The following ADORA2B variants were observed in gnomAD, a reference collection of about 807,000 sequenced individuals.
ADORA2B encodes adenosine receptor A2b.
Under a neutral mutation model 20.8 loss-of-function variants are expected in ADORA2B, and 18 were observed. The observed-to-expected ratio is 0.87, with a 90% CI of 0.60 to 1.29. The LOEUF is 1.29. ADORA2B is among the 50% of genes most tolerant of loss of function. The probability of loss-of-function intolerance (pLI) is 0.00; values close to 1 mark genes in which losing one functional copy is unlikely to be tolerated. For missense variants in ADORA2B, 441 were observed against 422.7 expected, an observed-to-expected ratio of 1.04 and a Z score of -0.38; for synonymous variants, 179 against 178.3, an observed-to-expected ratio of 1.00 and a Z score of -0.03.
At chr17:15,879,790 G>C in the ADORA2B span, among the ~76,000 whole-genome samples, 2 of 150,180 alleles carry the variant, frequency 1.3e-5, no homozygotes, top group African/African-American at 5.0e-5. Context: ...GCCTGCCTCG[G>C]CCTCCCAAGG....
the ADORA2B span, among the ~76,000 whole-genome samples, chr17:15,860,515 G>A: frequency 6.6e-6 from 1 of 151,908 alleles, no homozygotes; most frequent in African/African-American, 2.4e-5. Context: ...ATTACCTGGG[G>A]GCAGGTAATG....
At chr17:15,856,648 T>C in the ADORA2B span, among the ~76,000 whole-genome samples, 1 of 152,164 alleles carries the variant, frequency 6.6e-6, no homozygotes, top group Admixed American at 6.5e-5. Flanking sequence ...AAGTCCAGGG[T>C]GAGGTGGTCT....
At chr17:15,957,539 T>G (rs1480056784) in intron 1 of ADORA2B, among the ~76,000 whole-genome samples, 2 of 152,120 alleles carry the variant, frequency 1.3e-5, no homozygotes, top group Admixed American at 1.3e-4. Context: ...CCAGGATGAC[T>G]CCCAGATTTC....
the ADORA2B span, among the ~76,000 whole-genome samples, chr17:15,887,801 A>G: frequency 8.1e-6 from 1 of 123,480 alleles, no homozygotes; most frequent in Non-Finnish European, 1.7e-5. Flanking sequence ...AATAAAAAAA[A>G]TTAGCCAGGT....
rs1346654433 is a variant in ADORA2B at position 15,975,170 on chromosome 17, T to G, written c.827T>G (p.Ile276Ser). Residue 276 changes from isoleucine (I) to serine (S), a missense_variant, in exon 2 of 2, where the codon ATT (isoleucine) becomes AGT (serine). Coordinates refer to ENST00000304222, the MANE Select transcript of ADORA2B (RefSeq NM_000676.4). ...CCCAAGTGGGCAATGAATATGGCCA[T>G]TCTTCTGTCACATGCCAATTCAGTT... ...NKPKWAMNMAILLSHANSVVN... is the reference protein window; with the variant it reads ...NKPKWAMNMASLLSHANSVVN... 6.2e-7 allele frequency: 1 copy of G among 1,614,188 alleles called. No individual in the cohort carries two copies. Among genetic ancestry groups the G allele is most frequent in the South Asian group, 1.1e-5 (1 of 91,084 alleles).
At chr17:15,900,791 G>A in the ADORA2B span, among the ~76,000 whole-genome samples, 2 of 152,138 alleles carry the variant, frequency 1.3e-5, no homozygotes, top group South Asian at 2.1e-4. Context: ...GTGAGAGGAT[G>A]CAATCTTTAA....
chr17:15,937,584 T>C, the ADORA2B span, among the ~76,000 whole-genome samples: 1 of 152,056 alleles, frequency 6.6e-6, no homozygotes, highest in Non-Finnish European at 1.5e-5. Flanking sequence ...TCTTTTCTTT[T>C]TTTTTTTAAT....
At chr17:15,878,998 G>T in the ADORA2B span, among the ~76,000 whole-genome samples, 1 of 152,112 alleles carries the variant, frequency 6.6e-6, no homozygotes, top group East Asian at 1.9e-4. Flanking sequence ...TATTTAATAT[G>T]AAGCATATTA....
intron 1 of ADORA2B, among the ~76,000 whole-genome samples, chr17:15,953,641 T>C (rs972327492): frequency 8.0e-5 from 12 of 149,954 alleles, no homozygotes; most frequent in African/African-American, 3.1e-4. Flanking sequence ...TGTGTTTCTG[T>C]CAAGTGGTGA....
the ADORA2B span, among the ~76,000 whole-genome samples, chr17:15,882,260 C>T: frequency 6.6e-6 from 1 of 152,116 alleles, no homozygotes; most frequent in Admixed American, 6.5e-5. Flanking sequence ...GAGGTGGTGG[C>T]CGGTGGCTGA....
At chr17:15,874,197 A>G in the ADORA2B span, among the ~76,000 whole-genome samples, 12 of 151,890 alleles carry the variant, frequency 7.9e-5, no homozygotes, top group Admixed American at 7.2e-4. Context: ...GGAGGCCATT[A>G]TTCTAAATGA....
the ADORA2B span, among the ~76,000 whole-genome samples, chr17:15,864,844 T>C: frequency 6.6e-6 from 1 of 152,142 alleles, no homozygotes; most frequent in South Asian, 2.1e-4. Context: ...TTAAACATTA[T>C]GAGAGCACCG....
At chr17:15,898,387 G>A in the ADORA2B span, among the ~76,000 whole-genome samples, 1 of 151,598 alleles carries the variant, frequency 6.6e-6, no homozygotes, top group African/African-American at 2.4e-5. Context: ...TCTGCTTTCC[G>A]GTTTCAAGCG....
chr17:15,900,767 C>A, the ADORA2B span, among the ~76,000 whole-genome samples: 1 of 152,108 alleles, frequency 6.6e-6, no homozygotes, highest in Admixed American at 6.6e-5. Flanking sequence ...TTATCAGTAG[C>A]CATTCTGACT....
At chr17:15,907,477 A>G in the ADORA2B span, among the ~76,000 whole-genome samples, 1 of 152,154 alleles carries the variant, frequency 6.6e-6, no homozygotes, top group African/African-American at 2.4e-5. Context: ...TTCAATCCCA[A>G]AGTTCATTAT....
the ADORA2B span, among the ~76,000 whole-genome samples, chr17:15,884,280 A>G: frequency 6.6e-6 from 1 of 152,242 alleles, no homozygotes; most frequent in East Asian, 1.9e-4. Flanking sequence ...ACCTTCTGTG[A>G]TGATGGGAAT....
At chr17:15,937,068 C>T in the ADORA2B span, among the ~76,000 whole-genome samples, 1 of 152,128 alleles carries the variant, frequency 6.6e-6, no homozygotes, top group Non-Finnish European at 1.5e-5. Flanking sequence ...CTTTTTTCTC[C>T]TGTATGTGGG....
At chr17:15,933,618 A>G in the ADORA2B span, among the ~76,000 whole-genome samples, 8 of 152,326 alleles carry the variant, frequency 5.3e-5, no homozygotes, top group African/African-American at 1.9e-4. Flanking sequence ...TAAAGATACA[A>G]TTAATTTTAT....
At chr17:15,897,186 A>G in the ADORA2B span, among the ~76,000 whole-genome samples, 5 of 152,356 alleles carry the variant, frequency 3.3e-5, no homozygotes, top group East Asian at 7.7e-4. Context: ...TTGTTCATTT[A>G]TCTCAAGCAG....
Sources: allele counts gnomAD v4.1 joint callset (sites outside exome capture counted in the v4.1 genomes callset), GRCh38; gene constraint gnomAD v4.1.1; transcripts MANE v1.5; gene names NCBI Gene and HGNC (gene_info 2026-07-23, HGNC 2026-07-21).